NFKB1: variants seen among roughly 807,000 people sequenced by gnomAD.
NFKB1 encodes the protein nuclear factor NF-kappa-B p105 subunit.
In NFKB1, 9 loss-of-function variants were observed where a neutral mutation model predicts 105.1. The observed-to-expected ratio is 0.09, with a 90% CI of 0.05 to 0.15. The LOEUF (loss-of-function observed/expected upper bound fraction) is 0.15, where lower values mean the gene tolerates loss of function less well. Among genes scored for constraint, NFKB1 ranks in the 10% least tolerant of loss-of-function variants. NFKB1 has a pLI of 1.00. For missense variants in NFKB1, 830 were observed against 1,203.7 expected (o/e 0.69, Z 4.59); for synonymous variants, 440 against 442.2 (o/e 1.00, Z 0.06).
At chr4:102,502,388 G>A (rs865966521) in intron 1 of NFKB1, among the ~76,000 whole-genome samples, 6 of 96,802 alleles carry the variant, frequency 6.2e-5, no homozygotes, top group African/African-American at 2.9e-4. Context: ...GCGCGCGCGC[G>A]CGCACACACA....
At chr4:102,540,442 A>C (rs924630250) in intron 5 of NFKB1, among the ~76,000 whole-genome samples, 2 of 152,228 alleles carry the variant, frequency 1.3e-5, no homozygotes, top group Non-Finnish European at 2.9e-5. Context: ...GAAAGTTTCT[A>C]TATCAAGGAG....
intron 16 of NFKB1, among the ~76,000 whole-genome samples, chr4:102,604,227 T>C (rs1333088110): frequency 6.6e-6 from 1 of 152,200 alleles, no homozygotes; most frequent in Non-Finnish European, 1.5e-5. Context: ...TTTCATATAC[T>C]CTCACATACA....
intron 6 of NFKB1, among the ~76,000 whole-genome samples, chr4:102,575,679 T>G (rs915721009): frequency 4.6e-5 from 7 of 152,174 alleles, no homozygotes; most frequent in African/African-American, 1.4e-4. Context: ...TTCCTTCAAG[T>G]TTTTGCTCAG....
intron 11 of NFKB1, among the ~76,000 whole-genome samples, chr4:102,590,291 T>G (rs1726064670): frequency 6.6e-6 from 1 of 152,218 alleles, no homozygotes; most frequent in Non-Finnish European, 1.5e-5. Flanking sequence ...ATTCAGCAGC[T>G]TTCTTGCCTG....
At chr4:102,588,839 C>G (rs912789811) in intron 11 of NFKB1, among the ~76,000 whole-genome samples, 1 of 152,164 alleles carries the variant, frequency 6.6e-6, no homozygotes, top group Non-Finnish European at 1.5e-5. Context: ...TCAGATAAGT[C>G]ACCTAACCCC....
At chr4:102,545,593 G>A (rs1274620607) in intron 5 of NFKB1, among the ~76,000 whole-genome samples, 2 of 152,072 alleles carry the variant, frequency 1.3e-5, no homozygotes, top group Non-Finnish European at 2.9e-5. Context: ...CTTAACCATT[G>A]TGGAATACCA....
At chr4:102,584,895 G>A in intron 11 of NFKB1, 75 bp downstream of exon 11, 3 of 1,402,932 alleles carry the variant, frequency 2.1e-6, no homozygotes, top group Non-Finnish European at 2.9e-6. Context: ...GTTTTGTTTT[G>A]TTTTGAGACA....
intron 1 of NFKB1, among the ~76,000 whole-genome samples, chr4:102,520,501 C>T (rs529896664): frequency 2.6e-5 from 4 of 152,292 alleles, no homozygotes; most frequent in South Asian, 4.1e-4. Context: ...GCTCCAAGCA[C>T]AATGTATTTG....
At chr4:102,589,042 C>T (rs1420624936) in intron 11 of NFKB1, among the ~76,000 whole-genome samples, 1 of 152,114 alleles carries the variant, frequency 6.6e-6, no homozygotes, top group Non-Finnish European at 1.5e-5. Flanking sequence ...ATTCAAACAG[C>T]AGGTTCTTTT....
At chr4:102,608,556 G>C (rs1443847844) in intron 19 of NFKB1, among the ~76,000 whole-genome samples, 1 of 152,076 alleles carries the variant, frequency 6.6e-6, no homozygotes, top group Non-Finnish European at 1.5e-5. Context: ...TATCCATGCT[G>C]ATCTTTGAAT....
At chr4:102,537,805 A>G in intron 4 of NFKB1, 53 bp from the exon 5 acceptor site, 3 of 1,116,114 alleles carry the variant, frequency 2.7e-6, no homozygotes, top group South Asian at 1.3e-5. Flanking sequence ...TTGTTGCCGT[A>G]ATTTTTAATA....
At chr4:102,569,758 T>C (rs887924706) in intron 6 of NFKB1, among the ~76,000 whole-genome samples, 3 of 152,136 alleles carry the variant, frequency 2.0e-5, no homozygotes, top group Admixed American at 6.5e-5. Flanking sequence ...TTAATAAACT[T>C]AGTTTCTACT....
At chr4:102,523,986 C>T (rs1412736101) in intron 1 of NFKB1, among the ~76,000 whole-genome samples, 4 of 151,714 alleles carry the variant, frequency 2.6e-5, no homozygotes, top group African/African-American at 9.7e-5. Context: ...CTGACATTCT[C>T]ATCTGCAGTC....
chr4:102,576,879 C>A lies in NFKB1; in HGVS notation c.411C>A (p.Phe137Leu). Reference protein sequence around the residue: ...TAGPKDMVVGFANLGILHVTK... With the variant: ...TAGPKDMVVGLANLGILHVTK... ...GCTGTTACTGTTTTTTCTCCAGCTT[C>A]GCAAACCTGGGTATACTTCATGTGA... Residue 137 changes from phenylalanine (F) to leucine (L), a missense_variant, in exon 7 of 24, where the codon TTC becomes TTA. Around this residue, in one of 8 missense-constraint regions of NFKB1, gnomAD observed 64 missense variants for 79.9 expected, o/e 0.80. Coordinates refer to ENST00000226574, the MANE Select transcript of NFKB1 (RefSeq NM_003998.4). 1 of 1,603,316 alleles carries A rather than the reference C, an allele frequency of 6.2e-7. No homozygotes were observed. Among genetic ancestry groups the A allele is most frequent in the African/African-American group, 1.3e-5 (1 of 74,302 alleles).
intron 19 of NFKB1, among the ~76,000 whole-genome samples, chr4:102,608,277 TA>T (rs1728013102): frequency 6.6e-6 from 1 of 152,232 alleles, no homozygotes; most frequent in African/African-American, 2.4e-5. Flanking sequence ...GGCACTGTGA[TA>T]TGCACTTTAT....
chr4:102,514,416 T>C (rs1739989563), intron 1 of NFKB1, among the ~76,000 whole-genome samples: 2 of 152,146 alleles, frequency 1.3e-5, no homozygotes, highest in South Asian at 4.1e-4. Flanking sequence ...TAAAAGGGCT[T>C]GCTGGAGGAA....
chr4:102,548,643 T>G (rs1019147556), intron 5 of NFKB1, among the ~76,000 whole-genome samples: 2 of 152,142 alleles, frequency 1.3e-5, no homozygotes, highest in Non-Finnish European at 2.9e-5. Flanking sequence ...AAGTCCAATA[T>G]CATGGTCTTC....
intron 15 of NFKB1, among the ~76,000 whole-genome samples, chr4:102,600,066 T>A (rs1000792030): frequency 3.3e-5 from 5 of 152,120 alleles, no homozygotes; most frequent in African/African-American, 9.7e-5. Context: ...GCCCCAGAGA[T>A]GACAGGACAG....
Position 102,537,799 on chromosome 4 carries a change from T to G in NFKB1, c.160-59T>G, listed in dbSNP as rs1464045219. 9 of 1,019,538 alleles carry G rather than the reference T, an allele frequency of 8.8e-6. No individual in the cohort carries two copies. The Admixed American group carries it at 1.1e-4, about 13-fold the overall frequency. The allele number at this position is 1,019,538 out of a possible 1,614,324, so 63.2% of individuals were successfully genotyped here. A position where few individuals can be genotyped will look rare whatever the true frequency, so the allele number is the denominator to read the frequency against. On this transcript the variant is annotated intron_variant, in intron 4 of 23. Transcript: ENST00000226574. ...TTTAAAAATTTGTATGTACCTTTGTTGCCGTAATTTTTAATAAGTATTTCT... is the reference window on the plus strand; with the variant it reads ...TTTAAAAATTTGTATGTACCTTTGTGGCCGTAATTTTTAATAAGTATTTCT...
Sources: allele counts gnomAD v4.1 joint callset (sites outside exome capture counted in the v4.1 genomes callset), GRCh38; gene constraint gnomAD v4.1.1; regional missense constraint gnomAD v4.1.1; transcripts MANE v1.5; gene names NCBI Gene and HGNC (gene_info 2026-07-23, HGNC 2026-07-21).